Variants in PTDSS2 observed in about 807,000 individuals in gnomAD.
PTDSS2 encodes the protein phosphatidylserine synthase 2, also known as PSS-2.
A neutral mutation model predicts 64.7 loss-of-function variants in PTDSS2; 41 were observed. That is an observed-to-expected ratio of 0.63 (90% CI 0.49 to 0.82). The LOEUF is 0.82. Among genes scored for constraint, PTDSS2 ranks in the 40% least tolerant of loss-of-function variants. PTDSS2 has a pLI of 0.00. For missense variants in PTDSS2, 485 were observed against 650.0 expected (o/e 0.75, Z 2.76); for synonymous variants, 297 against 277.8 (o/e 1.07, Z -0.69).
At chr11:457,070 G>A (rs1047981391) in intron 1 of PTDSS2, among the ~76,000 whole-genome samples, 9 of 152,200 alleles carry the variant, frequency 5.9e-5, no homozygotes, top group South Asian at 2.1e-4. Flanking sequence ...GCAAGACCCC[G>A]TCTCTACAAA....
In PTDSS2 at chr11:452,842, T is replaced by G. The variant is rs77391752; in HGVS notation, c.182+2205T>G. On this transcript the variant is annotated intron_variant, in intron 1 of 11. Transcript: ENST00000308020. ...ACTGACTTGCTGTGCTGGCATTTTT[T>G]TAACTCTAATTTTGTGTTTTAGAGA... Among the ~76,000 whole-genome samples the G allele has an allele frequency of 3.9e-5, 6 of 152,376 alleles. No homozygotes were observed. In the East Asian group the frequency reaches 1.2e-3, roughly 29 times the overall value.
chr11:475,224 T>C (rs74674865), intron 3 of PTDSS2, among the ~76,000 whole-genome samples: 134 of 68,674 alleles, frequency 2.0e-3, no homozygotes, highest in African/African-American at 5.9e-3. Flanking sequence ...TTTGTGTATA[T>C]GGACATGTTC....
Position 489,680 on chromosome 11 carries a change from C to G in PTDSS2, c.1062C>G (p.Phe354Leu), listed in dbSNP as rs368563620. 6.2e-7 allele frequency: 1 copy of G among 1,601,882 alleles called. No individual in the cohort carries two copies. Among genetic ancestry groups the G allele is most frequent in the Non-Finnish European group, 8.5e-7 (1 of 1,175,062 alleles). The change falls in exon 10 of 12, where the codon TTC becomes TTG. Residue 354 changes from phenylalanine (F) to leucine (L), a missense_variant. This residue lies in a region of PTDSS2 where 219 missense variants were observed against 257.3 expected (regional missense o/e 0.85). Transcript: ENST00000308020. ...TGGTCCTCCTGCGGCTCGTCTTCTT[C>G]GTGAACGTGGGTGGCGTGGCCATGC... ...HYLVLLRLVF[F>L]VNVGGVAMRE... is the part of the protein sequence containing the mutation.
rs1590666760 is a variant in PTDSS2 at position 479,984 on chromosome 11, G to A, written c.435+832G>A. ...GGCAGTGTACATTCTGTGAATTTTA[G>A]CATTTGTGTAGACTTCTAGAAACAC... is the stretch of plus-strand genomic sequence containing the variant. On this transcript the variant is annotated intron_variant, in intron 4 of 11. Transcript: ENST00000308020. This position sits in a 1 kb window ranked among gnomAD's most constrained non-coding sequence, Gnocchi z 4.2. The A allele has an allele frequency of 6.6e-6, 1 of 152,290 alleles. No individual in the cohort carries two copies. The highest frequency in any genetic ancestry group is 2.1e-4 in the South Asian group (1 of 4,850). 9.4% of individuals were successfully genotyped at this position (152,290 alleles called of 1,614,324 possible).
intron 2 of PTDSS2, chr11:463,334 TCTC>T (rs1564966985): frequency 6.6e-6 from 1 of 151,322 alleles, no homozygotes; most frequent in Non-Finnish European, 1.5e-5. Context: ...TTCACGCCAT[TCTC>T]CTGCCTCAGC....
At chr11:487,307 T>C in intron 5 of PTDSS2, 113 bp from the exon 6 acceptor site, 2 of 1,107,834 alleles carry the variant, frequency 1.8e-6, no homozygotes, top group Non-Finnish European at 2.8e-6. Context: ...TGTGAGTCCC[T>C]GGCCTTCTTC....
chr11:481,164 G>T (rs1347788509), intron 4 of PTDSS2, among the ~76,000 whole-genome samples: 1 of 152,072 alleles, frequency 6.6e-6, no homozygotes. Flanking sequence ...GCGCGGCCTG[G>T]GCTCCTCTTT....
Position 460,013 on chromosome 11 carries a change from C to T in PTDSS2, c.183-174C>T. On this transcript the variant is annotated intron_variant, in intron 1 of 11. Transcript: ENST00000308020. This position sits in a 1 kb window ranked among gnomAD's most constrained non-coding sequence, Gnocchi z 5.8. ...CTCAGCCCTGACTGGCCAGCAGACG[C>T]AGGGTCATCTCGGAGTTACCCAGCT... 1 of 604,462 alleles carries T rather than the reference C, an allele frequency of 1.7e-6. No individual in the cohort carries two copies. The highest frequency in any genetic ancestry group is 2.9e-5 in the East Asian group (1 of 34,878). The allele number at this position is 604,462 out of a possible 1,614,324, so 37.4% of individuals were successfully genotyped here. A position where few individuals can be genotyped will look rare whatever the true frequency, so the allele number is the denominator to read the frequency against.
Position 489,451 on chromosome 11 carries a change from C to G in PTDSS2, c.906C>G (p.Arg302=), listed in dbSNP as rs1228335838. The change falls in exon 9 of 12, where the codon CGC becomes CGG. Residue 302 remains arginine, a synonymous_variant. Transcript: ENST00000308020. ...AFQFTPYSWV[R]FEWKPASSLR... is the part of the protein sequence containing the mutation. ...AGTTCACGCCGTACAGCTGGGTTCGCTTCGAGTGGAAGCCGGCCTCCAGCC... is the reference window on the plus strand; with the variant it reads ...AGTTCACGCCGTACAGCTGGGTTCGGTTCGAGTGGAAGCCGGCCTCCAGCC... 8.1e-6 allele frequency: 13 copies of G among 1,613,492 alleles called. No homozygotes were observed. Among genetic ancestry groups the G allele is most frequent in the Non-Finnish European group, 1.1e-5 (13 of 1,179,890 alleles).
At chr11:451,905 G>T (rs914280191) in intron 1 of PTDSS2, among the ~76,000 whole-genome samples, 1 of 152,172 alleles carries the variant, frequency 6.6e-6, no homozygotes, top group African/African-American at 2.4e-5. Context: ...GTACCGGGTG[G>T]CTGCGGGGCC....
In PTDSS2 at chr11:461,220, G is replaced by A. The variant is rs568162445; in HGVS notation, c.284+932G>A. Among the ~76,000 whole-genome samples the A allele has an allele frequency of 3.9e-5, 6 of 152,272 alleles. No individual in the cohort carries two copies. The East Asian group carries it at 7.7e-4, about 20-fold the overall frequency. On this transcript the variant is annotated intron_variant, in intron 2 of 11. Coordinates refer to ENST00000308020, the MANE Select transcript of PTDSS2 (RefSeq NM_030783.3). This position sits in a 1 kb window ranked among gnomAD's most constrained non-coding sequence, Gnocchi z 4.2. ...GTAAAGCAAGAGTCTCGCTATCTTCGTGACTGTTGGGTGGGGTGATGGGTG... is the reference window on the plus strand; with the variant it reads ...GTAAAGCAAGAGTCTCGCTATCTTCATGACTGTTGGGTGGGGTGATGGGTG...
intron 4 of PTDSS2, among the ~76,000 whole-genome samples, chr11:483,076 C>T (rs1848143470): frequency 9.8e-5 from 2 of 20,322 alleles, no homozygotes; most frequent in Non-Finnish European, 2.0e-4. Context: ...GTGAGTTTTT[C>T]GTAGATCTCC....
In PTDSS2 at chr11:476,931, T is replaced by C. The variant is rs1239347076; in HGVS notation, c.368-2154T>C. ...ACCTTCTTCCACGCGTCTTGTTAAC[T>C]TGGGGGCCGGCAGGGAGCCCTCAAC... On this transcript the variant is annotated intron_variant, in intron 3 of 11. Coordinates refer to ENST00000308020, the MANE Select transcript of PTDSS2 (RefSeq NM_030783.3). This position sits in a 1 kb window ranked among gnomAD's most constrained non-coding sequence, Gnocchi z 4.9. 2.0e-5 allele frequency among the ~76,000 whole-genome samples: 3 copies of C among 152,138 alleles called. No individual in the cohort carries two copies. Among genetic ancestry groups the C allele is most frequent in the Non-Finnish European group, 2.9e-5 (2 of 68,002 alleles).
Position 461,481 on chromosome 11 carries a change from A to G in PTDSS2, c.284+1193A>G, listed in dbSNP as rs1846879761. Among the ~76,000 whole-genome samples, 1 of 152,134 alleles carries G rather than the reference A, an allele frequency of 6.6e-6. No individual in the cohort carries two copies. The highest frequency in any genetic ancestry group is 1.5e-5 in the Non-Finnish European group (1 of 68,008). Reference sequence around the variant, plus strand: ...GAGGTGCCTGGACCCAGGACTCTGCAGCCTGCTCCCCAGATGAGCTCACCC... The same window carrying G: ...GAGGTGCCTGGACCCAGGACTCTGCGGCCTGCTCCCCAGATGAGCTCACCC... On this transcript the variant is annotated intron_variant, in intron 2 of 11. Coordinates refer to ENST00000308020, the MANE Select transcript of PTDSS2 (RefSeq NM_030783.3). This position sits in a 1 kb window ranked among gnomAD's most constrained non-coding sequence, Gnocchi z 4.2.
intron 4 of PTDSS2, 25 bp from the exon 5 acceptor site, chr11:486,914 G>A (rs530611068): frequency 3.1e-5 from 50 of 1,588,860 alleles, no homozygotes; most frequent in Non-Finnish European, 4.0e-5. Context: ...CTGTAGCCCC[G>A]CTGACGGGGG....
chr11:474,678 G>A (rs1847640111), intron 3 of PTDSS2, among the ~76,000 whole-genome samples: 1 of 152,222 alleles, frequency 6.6e-6, no homozygotes. Flanking sequence ...GGCTTCTGTA[G>A]GGTCGGTTGT....
chr11:458,892 G>A (rs865940013), intron 1 of PTDSS2: 4 of 152,254 alleles, frequency 2.6e-5, no homozygotes, highest in African/African-American at 9.6e-5. Flanking sequence ...ATGGAGGCAA[G>A]TCCTGGGCAA....
rs1035095442 is a variant in PTDSS2, at chr11:488,383, C to T, written c.735+71C>T. On this transcript the variant is annotated intron_variant, in intron 7 of 11. Coordinates refer to ENST00000308020, the MANE Select transcript of PTDSS2 (RefSeq NM_030783.3). ...GCATTCTCGGAACCCCTGTGCCCAG[C>T]GCGGCCCCTGGACCCCCTCATTCTC... 1.5e-5 allele frequency: 21 copies of T among 1,420,806 alleles called. No homozygotes were observed. The Admixed American group carries it at 3.2e-4, about 22-fold the overall frequency. The allele number at this position is 1,420,806 out of a possible 1,614,324, so 88.0% of individuals were successfully genotyped here. A position where few individuals can be genotyped will look rare whatever the true frequency, so the allele number is the denominator to read the frequency against.
At chr11:456,002 C>T (rs1391534184) in intron 1 of PTDSS2, among the ~76,000 whole-genome samples, 2 of 152,260 alleles carry the variant, frequency 1.3e-5, no homozygotes, top group Middle Eastern at 3.4e-3. Context: ...GTGTCACTTA[C>T]CGGCCCTGAC....
Sources: allele counts gnomAD v4.1 joint callset (sites outside exome capture counted in the v4.1 genomes callset), GRCh38; gene constraint gnomAD v4.1.1; regional missense constraint gnomAD v4.1.1; non-coding constraint Gnocchi (gnomAD v3.1); transcripts MANE v1.5; gene names NCBI Gene and HGNC (gene_info 2026-07-23, HGNC 2026-07-21).